The following RPL13 variants were observed in gnomAD, a reference collection of about 807,000 sequenced individuals.
The protein encoded by RPL13 is large ribosomal subunit protein eL13.
In RPL13, 1 loss-of-function variant was observed where a neutral mutation model predicts 21.4. The observed-to-expected ratio is 0.05, with a 90% CI of 0.02 to 0.22. The LOEUF (loss-of-function observed/expected upper bound fraction) is 0.22, where lower values mean the gene tolerates loss of function less well. Among genes scored for constraint, RPL13 ranks in the 10% least tolerant of loss-of-function variants. The pLI is 1.00. For missense variants in RPL13, 289 were observed against 303.0 expected (o/e 0.95, Z 0.34); for synonymous variants, 143 against 120.5 (o/e 1.19, Z -1.23).
In RPL13 at chr16:89,564,278, C is replaced by T. The variant is rs965235872; in HGVS notation, c.*1236C>T. 7 of 152,116 alleles carry T rather than the reference C, an allele frequency of 4.6e-5. No homozygotes were observed. Among genetic ancestry groups the T allele is most frequent in the Admixed American group, 4.6e-4 (7 of 15,286 alleles). 9.4% of individuals were successfully genotyped at this position (152,116 alleles called of 1,614,324 possible). On this transcript the variant is annotated 3_prime_UTR_variant, in exon 6 of 6. Coordinates refer to ENST00000311528, the MANE Select transcript of RPL13 (RefSeq NM_000977.4). Reference sequence around the variant, plus strand: ...GCTGCACTCACAGCCACACTTGATACACGATGACACCTTGCTTGTTTGGAA... The same window carrying T: ...GCTGCACTCACAGCCACACTTGATATACGATGACACCTTGCTTGTTTGGAA...
rs1385212450 is a variant in RPL13, at chr16:89,562,910, C to T, written c.504C>T (p.Val168=). Reference sequence around the variant, plus strand: ...TCTATAAGAAGGAGAAAGCTCGAGTCATCACTGAGGAAGAGAAGAATTTCA... The same window carrying T: ...TCTATAAGAAGGAGAAAGCTCGAGTTATCACTGAGGAAGAGAAGAATTTCA... ...RNVYKKEKAR[V]ITEEEKNFKA... Residue 168 remains valine (V), a synonymous_variant, in exon 6 of 6, where the codon GTC becomes GTT. Transcript: ENST00000311528. 1.3e-6 allele frequency: 2 copies of T among 1,589,018 alleles called. No homozygotes were observed. The highest frequency in any genetic ancestry group is 2.3e-5 in the South Asian group (2 of 87,338).
rs1062450 is a variant in RPL13, at chr16:89,562,914, A to G, written c.508A>G (p.Thr170Ala). The G allele has an allele frequency of 6.3e-7, 1 of 1,590,134 alleles. No individual in the cohort carries two copies. Among genetic ancestry groups the G allele is most frequent in the Admixed American group, 1.8e-5 (1 of 54,782 alleles). The stretch of plus-strand genomic sequence containing the variant: ...TAAGAAGGAGAAAGCTCGAGTCATC[A>G]CTGAGGAAGAGAAGAATTTCAAAGC... ...VYKKEKARVI[T>A]EEEKNFKAFA... The change falls in exon 6 of 6, where the codon ACT becomes GCT. Residue 170 changes from threonine (T) to alanine (A), a missense_variant. Thr to Ala is a moderately conservative substitution (Grantham distance 58). Coordinates refer to ENST00000311528, the MANE Select transcript of RPL13 (RefSeq NM_000977.4).
chr16:89,562,503 T>C (rs2058752844), intron 5 of RPL13, 112 bp downstream of exon 5: 3 of 1,017,100 alleles, frequency 2.9e-6, no homozygotes, highest in South Asian at 3.1e-5. Flanking sequence ...ATAGTGGCAG[T>C]TGTGGGTGTG....
At position 89,562,944 on chromosome 16, in the gene RPL13, G is replaced by A. The variant is rs375467630; in HGVS notation, c.538G>A (p.Ala180Thr). The A allele has an allele frequency of 5.6e-6, 9 of 1,599,266 alleles. No individual in the cohort carries two copies. The highest frequency in any genetic ancestry group is 2.3e-5 in the East Asian group (1 of 43,826). ...GGAAGAGAAGAATTTCAAAGCCTTCGCTAGTCTCCGTATGGCCCGTGCCAA... is the reference window on the plus strand; with the variant it reads ...GGAAGAGAAGAATTTCAAAGCCTTCACTAGTCTCCGTATGGCCCGTGCCAA... ...TEEEKNFKAF[A>T]SLRMARANAR... Residue 180 changes from alanine to threonine, a missense_variant, in exon 6 of 6, where the codon GCT becomes ACT. Physicochemically the swap from Ala to Thr is moderately conservative, Grantham distance 58. Coordinates refer to ENST00000311528, the MANE Select transcript of RPL13 (RefSeq NM_000977.4).
intron 4 of RPL13, 173 bp from the exon 5 acceptor site, chr16:89,562,162 C>T (rs2058749988): frequency 3.0e-6 from 2 of 661,040 alleles, no homozygotes; most frequent in Admixed American, 3.1e-5. Context: ...AAGATATAGT[C>T]ACCTAACTAA....
In RPL13 at chr16:89,563,573, CAA is replaced by C. The variant is rs72037989; in HGVS notation, c.*543_*544del. On this transcript the variant is annotated 3_prime_UTR_variant, in exon 6 of 6. Transcript: ENST00000311528. ...AGCCTGGGCAACAGTGAGACTGTCT[CAA>C]AAAAAAAAAAAGAGACAGGGTCTTC... The C allele has an allele frequency of 0.19, 25,997 of 139,094 alleles. 2,328 individuals carry two copies. Among genetic ancestry groups the C allele is most frequent in the African/African-American group, 0.21 (8,031 of 38,018 alleles). 8.6% of individuals were successfully genotyped at this position (139,094 alleles called of 1,614,324 possible). A position where few individuals can be genotyped will look rare whatever the true frequency, so the allele number is the denominator to read the frequency against.
rs769022517 is a variant in RPL13, at chr16:89,562,335, G to T, written c.421G>T (p.Ala141Ser). ...PSAPKKGDSS[A>S]EELKLATQLT... ...CTTAACTCTTCTCATTCACCAACAG[G>T]CTGAAGAACTGAAACTGGCCACCCA... Residue 141 changes from alanine (A) to serine (S), a missense_variant and splice_region_variant, in exon 5 of 6, where the codon GCT becomes TCT. Transcript: ENST00000311528. 3 of 1,613,224 alleles carry T rather than the reference G, an allele frequency of 1.9e-6. No homozygotes were observed. The highest frequency in any genetic ancestry group is 8.5e-7 in the Non-Finnish European group (1 of 1,179,894).
upstream of RPL13, chr16:89,560,674 G>A (rs370164340): frequency 1.6e-3 from 572 of 357,760 alleles, 4 homozygotes; most frequent in African/African-American, 0.012. Context: ...GCATTGCGGG[G>A]CCGCTTCCTT....
downstream of RPL13, chr16:89,565,006 C>T (rs902691442): frequency 4.6e-5 from 7 of 152,268 alleles, no homozygotes; most frequent in African/African-American, 1.2e-4. Flanking sequence ...GCCGACTTGA[C>T]GGGAAGTCAG....
At chr16:89,565,354 T>G (rs1456232144), downstream of RPL13, 1 of 152,528 alleles carries the variant, frequency 6.6e-6, no homozygotes, top group Non-Finnish European at 1.5e-5. Flanking sequence ...ATGCAGCTAG[T>G]GCGGCTCTGC....
chr16:89,561,551 C>T (rs770496322), intron 3 of RPL13, 27 bp from the exon 4 acceptor site: 138 of 1,613,244 alleles, frequency 8.6e-5, no homozygotes, highest in Non-Finnish European at 1.0e-4. Flanking sequence ...CCGGGCCTGT[C>T]TCCATCTCTC....
Position 89,563,839 on chromosome 16 carries a change from A to G in RPL13, c.*797A>G, listed in dbSNP as rs907912563. 4 of 152,258 alleles carry G rather than the reference A, an allele frequency of 2.6e-5. No homozygotes were observed. The highest frequency in any genetic ancestry group is 5.9e-5 in the Non-Finnish European group (4 of 68,062). 9.4% of individuals were successfully genotyped at this position (152,258 alleles called of 1,614,324 possible). ...TAACCATGGTCCTCTTGCTCTGATT[A>G]ACCCTTCCTTCAATGGGCTTCTTCA... On this transcript the variant is annotated 3_prime_UTR_variant, in exon 6 of 6. Transcript: ENST00000311528.
At chr16:89,560,869 T>C in intron 1 of RPL13, 71 bp from the exon 2 acceptor site, 1 of 1,165,734 alleles carries the variant, frequency 8.6e-7, no homozygotes, top group Non-Finnish European at 1.2e-6. Flanking sequence ...TCTGGAGGGT[T>C]CGGGGCGGAG....
At chr16:89,565,562 C>T (rs970065693), downstream of RPL13, 1 of 152,344 alleles carries the variant, frequency 6.6e-6, no homozygotes, top group African/African-American at 2.4e-5. Context: ...CTGGGGACCG[C>T]CTGATTCAGC....
intron 5 of RPL13, 37 bp from the exon 6 acceptor site, chr16:89,562,847 G>A: frequency 2.0e-6 from 3 of 1,496,310 alleles, no homozygotes; most frequent in Non-Finnish European, 2.7e-6. Flanking sequence ...TTGCCCTTTG[G>A]TGCATGTGGG....
In RPL13 at chr16:89,561,573, G is replaced by T. The variant is rs1326928321; in HGVS notation, c.247-5G>T. ...TGTCTCCATCTCTCTCTGGTTCTGGGGCAGGTGGCCGGCATTCACAAGAAG... is the reference window on the plus strand; with the variant it reads ...TGTCTCCATCTCTCTCTGGTTCTGGTGCAGGTGGCCGGCATTCACAAGAAG... On this transcript the variant is annotated splice_polypyrimidine_tract_variant and splice_region_variant and intron_variant, in intron 3 of 5. Coordinates refer to ENST00000311528, the MANE Select transcript of RPL13 (RefSeq NM_000977.4). 1.2e-6 allele frequency: 2 copies of T among 1,613,414 alleles called. No homozygotes were observed. The highest frequency in any genetic ancestry group is 1.1e-5 in the South Asian group (1 of 91,084).
intron 2 of RPL13, 26 bp downstream of exon 2, chr16:89,561,089 C>T (rs775507423): frequency 7.6e-6 from 12 of 1,584,296 alleles, no homozygotes; most frequent in Admixed American, 1.8e-5. Flanking sequence ...GGGGCTGCCC[C>T]TGGGGCTCGT....
In RPL13 at chr16:89,562,327, A is replaced by T. The variant is rs747334276; in HGVS notation, c.421-8A>T. 3 of 1,613,160 alleles carry T rather than the reference A, an allele frequency of 1.9e-6. No homozygotes were observed. The highest frequency in any genetic ancestry group is 2.2e-5 in the South Asian group (2 of 90,964). On this transcript the variant is annotated splice_polypyrimidine_tract_variant and splice_region_variant and intron_variant, in intron 4 of 5. Transcript: ENST00000311528. ...CAACCCCACTTAACTCTTCTCATTC[A>T]CCAACAGGCTGAAGAACTGAAACTG...
At chr16:89,562,760 A>T (rs1308368851) in intron 5 of RPL13, 124 bp from the exon 6 acceptor site, 2 of 988,664 alleles carry the variant, frequency 2.0e-6, no homozygotes, top group Non-Finnish European at 2.9e-6. Flanking sequence ...GTTGCTTTTC[A>T]GCAGTACTTA....
Sources: allele counts gnomAD v4.1 joint callset, GRCh38; gene constraint gnomAD v4.1.1; transcripts MANE v1.5; gene names NCBI Gene and HGNC (gene_info 2026-07-23, HGNC 2026-07-21).